The following SYT9 variants were observed in gnomAD, a reference collection of about 807,000 sequenced individuals.
SYT9 encodes the protein synaptotagmin 9.
A neutral mutation model predicts 48.4 loss-of-function variants in SYT9; 22 were observed. That is an observed-to-expected ratio of 0.45 (90% CI 0.32 to 0.65). SYT9 has a LOEUF of 0.65. Ranked by LOEUF, SYT9 falls within the 30% of genes least tolerant of loss-of-function variation. The pLI, the probability that SYT9 is intolerant of heterozygous loss-of-function variation, is 0.03. For synonymous variants in SYT9, 265 were observed against 245.0 expected (o/e 1.08, Z -0.76); for missense variants, 577 against 622.0 (o/e 0.93, Z 0.77).
At chr11:7,271,503 A>T (rs940017770) in intron 1 of SYT9, among the ~76,000 whole-genome samples, 6 of 152,178 alleles carry the variant, frequency 3.9e-5, no homozygotes, top group Non-Finnish European at 8.8e-5. Context: ...GGAGAAATGG[A>T]TGCCCCTGAT....
intron 6 of SYT9, among the ~76,000 whole-genome samples, chr11:7,421,497 T>C (rs778881305): frequency 1.2e-4 from 18 of 152,200 alleles, no homozygotes; most frequent in Non-Finnish European, 1.3e-4. Context: ...TGGGTGTCAA[T>C]GTGTCCAACT....
At chr11:7,432,871 G>A (rs1422537092) in intron 6 of SYT9, among the ~76,000 whole-genome samples, 1 of 151,866 alleles carries the variant, frequency 6.6e-6, no homozygotes, top group Non-Finnish European at 1.5e-5. Flanking sequence ...AATGACCTAA[G>A]ACTTTGGGGG....
intron 3 of SYT9, among the ~76,000 whole-genome samples, chr11:7,394,164 A>T (rs1257434271): frequency 7.5e-6 from 1 of 132,988 alleles, no homozygotes; most frequent in Non-Finnish European, 1.6e-5. Context: ...TCCTGTGTCC[A>T]TGTGTTCTCA....
chr11:7,317,580 C>T (rs1849264402), intron 3 of SYT9, among the ~76,000 whole-genome samples: 2 of 152,166 alleles, frequency 1.3e-5, no homozygotes, highest in South Asian at 4.1e-4. Flanking sequence ...ACCTGATTAC[C>T]TCCCAAAAGC....
intron 6 of SYT9, among the ~76,000 whole-genome samples, chr11:7,446,084 G>A (rs565751062): frequency 1.0e-3 from 152 of 152,364 alleles, no homozygotes; most frequent in African/African-American, 3.5e-3. Flanking sequence ...CCCAGGCACA[G>A]CATCAAGTCC....
intron 1 of SYT9, among the ~76,000 whole-genome samples, chr11:7,301,070 A>T (rs1376288709): frequency 1.3e-5 from 2 of 152,202 alleles, no homozygotes; most frequent in South Asian, 2.1e-4. Flanking sequence ...TTTTAAAACA[A>T]TTCCAGATAT....
chr11:7,239,892 C>T (rs1347141120), intron 1 of SYT9, among the ~76,000 whole-genome samples: 3 of 152,130 alleles, frequency 2.0e-5, no homozygotes, highest in African/African-American at 7.2e-5. Flanking sequence ...TGAAGTTACA[C>T]ATTTGAATAG....
In SYT9 at chr11:7,420,489, G is replaced by A; in HGVS notation, c.1338-17G>A. 2 of 1,613,184 alleles carry A rather than the reference G, an allele frequency of 1.2e-6. No individual in the cohort carries two copies. The highest frequency in any genetic ancestry group is 1.7e-6 in the Non-Finnish European group (2 of 1,179,452). On this transcript the variant is annotated splice_polypyrimidine_tract_variant and intron_variant, in intron 5 of 6. Coordinates refer to ENST00000318881, the MANE Select transcript of SYT9 (RefSeq NM_175733.4). ...ACCAAAATTTTAAGAAAAAACTATTGTGGGCCATTTTCACAGTGTAGGTCA... is the reference window on the plus strand; with the variant it reads ...ACCAAAATTTTAAGAAAAAACTATTATGGGCCATTTTCACAGTGTAGGTCA...
intron 6 of SYT9, among the ~76,000 whole-genome samples, chr11:7,430,698 C>G (rs900360112): frequency 6.6e-6 from 1 of 152,102 alleles, no homozygotes; most frequent in South Asian, 2.1e-4. Context: ...TGAGTTCTTG[C>G]AAGATCTGGT....
chr11:7,347,629 G>T (rs189463430), intron 3 of SYT9, among the ~76,000 whole-genome samples: 13 of 152,322 alleles, frequency 8.5e-5, no homozygotes, highest in Admixed American at 2.0e-4. Flanking sequence ...GGGAACTGGG[G>T]AGTCAGGAAG....
chr11:7,463,508 C>T (rs966582541), intron 6 of SYT9, among the ~76,000 whole-genome samples: 6 of 152,166 alleles, frequency 3.9e-5, no homozygotes, highest in Non-Finnish European at 8.8e-5. Context: ...TGAACAACAA[C>T]AGCAAAATTT....
At chr11:7,250,451 A>ACCCCCCCCCCCCCCCCCCCCCC (rs59724555), upstream of SYT9, among the ~76,000 whole-genome samples, 1 of 91,782 alleles carries the variant, frequency 1.1e-5, no homozygotes. Flanking sequence ...CCCCCCCGCC[A>ACCCCCCCCCCCCCCCCCCCCCC]CCCCCCCCCA....
rs763117346 is a variant in SYT9 at position 7,418,143 on chromosome 11, A to G, written c.1337+15A>G. ...GACTATGACCGGTGAGATACCTGGA[A>G]CTCTTTTCCAGTGCAAGTTCACTGT... On this transcript the variant is annotated intron_variant, in intron 5 of 6. Transcript: ENST00000318881. 1.2e-6 allele frequency: 2 copies of G among 1,611,080 alleles called. No individual in the cohort carries two copies. Among genetic ancestry groups the G allele is most frequent in the East Asian group, 4.5e-5 (2 of 44,832 alleles).
intron 6 of SYT9, among the ~76,000 whole-genome samples, chr11:7,444,703 G>GT (rs1847897262): frequency 6.6e-6 from 1 of 152,114 alleles, no homozygotes; most frequent in African/African-American, 2.4e-5. Flanking sequence ...CTGGCTTGTG[G>GT]TTGCTGCCTC....
intron 1 of SYT9, among the ~76,000 whole-genome samples, chr11:7,286,379 C>T (rs1848595260): frequency 6.6e-6 from 1 of 152,220 alleles, no homozygotes; most frequent in South Asian, 2.1e-4. Flanking sequence ...ATGCAGGGCA[C>T]CAAGTCCTGA....
chr11:7,418,157 C>T (rs753200141), intron 5 of SYT9, 29 bp downstream of exon 5: 2 of 1,607,244 alleles, frequency 1.2e-6, no homozygotes, highest in Non-Finnish European at 1.7e-6. Context: ...TTTTCCAGTG[C>T]AAGTTCACTG....
chr11:7,314,153 A>G (rs1347589584), intron 3 of SYT9: 5 of 699,182 alleles, frequency 7.2e-6, no homozygotes, highest in Non-Finnish European at 1.3e-5. Flanking sequence ...AAACAATATT[A>G]AAGAATAACA....
intron 3 of SYT9, among the ~76,000 whole-genome samples, chr11:7,361,530 T>G (rs778937032): frequency 6.6e-6 from 1 of 152,208 alleles, no homozygotes; most frequent in Non-Finnish European, 1.5e-5. Flanking sequence ...TCCATATGTG[T>G]TCCCTAGATC....
chr11:7,271,144 A>G (rs1454818110), intron 1 of SYT9, among the ~76,000 whole-genome samples: 4 of 152,120 alleles, frequency 2.6e-5, no homozygotes, highest in Non-Finnish European at 5.9e-5. Context: ...GAAGTTTGGG[A>G]AAAGATGGAG....
Sources: allele counts gnomAD v4.1 joint callset (sites outside exome capture counted in the v4.1 genomes callset), GRCh38; gene constraint gnomAD v4.1.1; transcripts MANE v1.5; gene names NCBI Gene and HGNC (gene_info 2026-07-23, HGNC 2026-07-21).